Variants in GLB1 observed in about 807,000 individuals in gnomAD.
GLB1 encodes galactosidase beta 1, also known as beta-galactosidase.
Under a neutral mutation model 74.0 loss-of-function variants are expected in GLB1, and 56 were observed. The ratio of observed to expected loss-of-function variants is 0.76; its 90% CI spans 0.61 to 0.94. The LOEUF (loss-of-function observed/expected upper bound fraction) is 0.94. Ranked by LOEUF, GLB1 falls within the 40% of genes least tolerant of loss-of-function variation. The probability of loss-of-function intolerance (pLI) is 0.00; values close to 1 mark genes in which losing one functional copy is unlikely to be tolerated. For synonymous variants in GLB1, 323 were observed against 323.6 expected, an observed-to-expected ratio of 1.00 and a Z score of 0.02; for missense variants, 787 against 845.5, an observed-to-expected ratio of 0.93 and a Z score of 0.86.
chr3:33,072,777 T>A, intron 1 of GLB1, 64 bp from the exon 2 acceptor site: 1 of 1,606,756 alleles, frequency 6.2e-7, no homozygotes, highest in Non-Finnish European at 8.5e-7. Flanking sequence ...GCCGATCCTT[T>A]GAGAGTAGCA....
At chr3:33,067,857 C>G (rs917649703) in intron 4 of GLB1, among the ~76,000 whole-genome samples, 3 of 152,070 alleles carry the variant, frequency 2.0e-5, no homozygotes, top group African/African-American at 7.2e-5. Flanking sequence ...AATACCTCCC[C>G]CTTTTGATAT....
chr3:33,071,681 C>A (rs1328711220), intron 2 of GLB1, among the ~76,000 whole-genome samples: 1 of 151,774 alleles, frequency 6.6e-6, no homozygotes, highest in Non-Finnish European at 1.5e-5. Flanking sequence ...CTTTCTCTGG[C>A]CTTCTCCTGC....
intron 10 of GLB1, among the ~76,000 whole-genome samples, chr3:33,040,405 T>C (rs1575438528): frequency 6.6e-6 from 1 of 151,760 alleles, no homozygotes; most frequent in African/African-American, 2.4e-5. Context: ...AGGAGTTCAA[T>C]ACCAGCCTAG....
chr3:33,058,063 C>T lies in GLB1; in HGVS notation c.733+26G>A, dbSNP rs771289378. Reference sequence around the variant, plus strand: ...TGAGTAAAAAGCTGATTTTAAGCTGCAATTTCTGTTACTACAAACACCAAC... The same window carrying T: ...TGAGTAAAAAGCTGATTTTAAGCTGTAATTTCTGTTACTACAAACACCAAC... On this transcript the variant is annotated intron_variant, in intron 6 of 15. Transcript: ENST00000307363. 3.7e-6 allele frequency: 6 copies of T among 1,612,516 alleles called. No individual in the cohort carries two copies. The South Asian group carries it at 5.5e-5, about 15-fold the overall frequency.
At chr3:33,081,843 A>G (rs140387982) in intron 1 of GLB1, among the ~76,000 whole-genome samples, 8 of 152,352 alleles carry the variant, frequency 5.3e-5, no homozygotes, top group Middle Eastern at 3.4e-3. Context: ...GCAATCAGCA[A>G]GAGTACTGCT....
chr3:33,058,742 T>C (rs1699323395), intron 5 of GLB1, among the ~76,000 whole-genome samples: 1 of 152,180 alleles, frequency 6.6e-6, no homozygotes, highest in South Asian at 2.1e-4. Flanking sequence ...GCAAATAATA[T>C]ACAGCAGTGT....
intron 15 of GLB1, among the ~76,000 whole-genome samples, chr3:33,000,970 T>G (rs1244469490): frequency 6.6e-6 from 1 of 152,178 alleles, no homozygotes; most frequent in Non-Finnish European, 1.5e-5. Context: ...AGGCTCTGCA[T>G]AGCTGCCAAA....
the GLB1 span, among the ~76,000 whole-genome samples, chr3:32,985,520 G>C: frequency 6.6e-6 from 1 of 152,088 alleles, no homozygotes; most frequent in African/African-American, 2.4e-5. Context: ...TCGAACTCCA[G>C]ACCTCAAGTG....
At chr3:33,077,434 A>ATGG in intron 1 of GLB1, 2 of 889,994 alleles carry the variant, frequency 2.2e-6, no homozygotes, top group South Asian at 2.6e-5. Context: ...CTCAGTTGGA[A>ATGG]ATGGAGGATG....
rs534898382 is a variant in GLB1, at chr3:33,014,201, C to T, written c.1589G>A (p.Arg530His). 7.4e-6 allele frequency: 12 copies of T among 1,614,160 alleles called. No individual in the cohort carries two copies. The highest frequency in any genetic ancestry group is 2.2e-5 in the East Asian group (1 of 44,874). ...VCSHLGGWGHRDSGHHDEAWA... is the reference protein window; with the variant it reads ...VCSHLGGWGHHDSGHHDEAWA... ...GGCTTCATCATGGTGGCCACTGTCA[C>T]GGTGTCCCCAGCCCCCCAGGTGGCT... is the stretch of plus-strand genomic sequence containing the variant. The change falls in exon 15 of 16, where the codon CGT (arginine) becomes CAT (histidine). Residue 530 changes from arginine to histidine, a missense_variant. Physicochemically the swap from Arg to His is conservative, Grantham distance 29. Coordinates refer to ENST00000307363, the MANE Select transcript of GLB1 (RefSeq NM_000404.4).
chr3:33,065,637 G>A (rs1699640784), intron 4 of GLB1, 80 bp from the exon 5 acceptor site: 1 of 1,482,598 alleles, frequency 6.7e-7, no homozygotes, highest in Non-Finnish European at 9.2e-7. Flanking sequence ...GGCTTTGAAT[G>A]TGGCCCAACA....
the GLB1 span, among the ~76,000 whole-genome samples, chr3:32,973,994 G>A: frequency 2.0e-5 from 3 of 152,222 alleles, no homozygotes; most frequent in Admixed American, 2.0e-4. Flanking sequence ...TGCAGTCAGA[G>A]GCTAGGGCAA....
At chr3:33,036,964 G>T (rs1698304056) in intron 10 of GLB1, among the ~76,000 whole-genome samples, 1 of 152,118 alleles carries the variant, frequency 6.6e-6, no homozygotes, top group Non-Finnish European at 1.5e-5. Flanking sequence ...GTATAACATT[G>T]TGAATATAAC....
At chr3:33,014,398 A>C in intron 14 of GLB1, 88 bp from the exon 15 acceptor site, 2 of 1,559,054 alleles carry the variant, frequency 1.3e-6, no homozygotes, top group Non-Finnish European at 1.7e-6. Flanking sequence ...TGGGAAAAGC[A>C]AACCGGGATA....
At chr3:33,023,500 T>C (rs77727202) in intron 11 of GLB1, among the ~76,000 whole-genome samples, 9,617 of 152,026 alleles carry the variant, frequency 0.063, 494 homozygotes, top group East Asian at 0.24. Flanking sequence ...TGCTTGAAGA[T>C]AAAAACTTAC....
intron 1 of GLB1, 130 bp downstream of exon 1, chr3:33,096,881 C>A (rs1701055148): frequency 6.9e-7 from 1 of 1,442,458 alleles, no homozygotes; most frequent in Non-Finnish European, 9.1e-7. Context: ...CGGCCGCGAG[C>A]CTGCTGGGGG....
intron 10 of GLB1, among the ~76,000 whole-genome samples, chr3:33,026,081 C>T (rs1362238855): frequency 6.6e-6 from 1 of 152,146 alleles, no homozygotes; most frequent in Non-Finnish European, 1.5e-5. Flanking sequence ...GGGGCAGTGC[C>T]ACGATCCATG....
At chr3:33,092,140 A>G in intron 1 of GLB1, 1 of 985,592 alleles carries the variant, frequency 1.0e-6, no homozygotes, top group Non-Finnish European at 1.2e-6. Flanking sequence ...ATCACCGACC[A>G]TGGCGCCCAC....
At chr3:33,042,904 C>T (rs191202082) in intron 10 of GLB1, among the ~76,000 whole-genome samples, 271 of 152,306 alleles carry the variant, frequency 1.8e-3, no homozygotes, top group Non-Finnish European at 3.5e-3. Flanking sequence ...CTGGCGCATG[C>T]AGAGTACTTG....
Sources: gnomAD v4.1 joint callset for allele counts (sites outside exome capture counted in the v4.1 genomes callset) on GRCh38, gnomAD v4.1.1 for gene constraint, MANE v1.5 for transcripts, NCBI Gene and HGNC (gene_info 2026-07-23, HGNC 2026-07-21) for gene names.